SLC24A3: variants seen among roughly 807,000 people sequenced by gnomAD.
The protein encoded by SLC24A3 is solute carrier family 24 member 3, also known as sodium/potassium/calcium exchanger 3.
A neutral mutation model predicts 75.8 loss-of-function variants in SLC24A3; 28 were observed. That is an observed-to-expected ratio of 0.37 (90% confidence interval 0.27 to 0.51). SLC24A3 has a LOEUF of 0.51. Ranked by LOEUF, SLC24A3 falls within the 20% of genes least tolerant of loss-of-function variation. The probability of loss-of-function intolerance (pLI) is 0.94; values close to 1 mark genes in which losing one functional copy is unlikely to be tolerated. For synonymous variants in SLC24A3, 372 were observed against 334.1 expected (o/e 1.11, Z -1.24); for missense variants, 663 against 847.8 (o/e 0.78, Z 2.71).
At position 19,506,288 on chromosome 20, in the gene SLC24A3, T is replaced by C. The variant is rs540304766; in HGVS notation, c.272-9200T>C. 7.2e-5 allele frequency among the ~76,000 whole-genome samples: 11 copies of C among 152,376 alleles called. 1 individual carries two copies. In the South Asian group the frequency reaches 2.3e-3, roughly 32 times the overall value. The stretch of plus-strand genomic sequence containing the variant: ...AATACCATTTTGATTGATAGTTTAA[T>C]GATCCCTCTAGGCCATCTGTTCCCA... On this transcript the variant is annotated intron_variant, in intron 2 of 16. Coordinates refer to ENST00000328041, the MANE Select transcript of SLC24A3 (RefSeq NM_020689.4).
intron 1 of SLC24A3, among the ~76,000 whole-genome samples, chr20:19,232,454 A>G (rs1272570726): frequency 6.6e-6 from 1 of 152,202 alleles, no homozygotes; most frequent in Non-Finnish European, 1.5e-5. Context: ...TGAATTTTTT[A>G]ATAATTATCT....
intron 2 of SLC24A3, among the ~76,000 whole-genome samples, chr20:19,479,984 C>G (rs750013397): frequency 1.3e-5 from 2 of 152,184 alleles, no homozygotes; most frequent in Non-Finnish European, 2.9e-5. Context: ...GAGACTCAGT[C>G]CTTCCCTCTA....
intron 3 of SLC24A3, among the ~76,000 whole-genome samples, chr20:19,538,093 A>C (rs1258905351): frequency 6.6e-6 from 1 of 152,206 alleles, no homozygotes; most frequent in African/African-American, 2.4e-5. Flanking sequence ...TATCTGTCCA[A>C]GATACAGTAC....
chr20:19,282,429 C>G (rs1422213117), intron 2 of SLC24A3, among the ~76,000 whole-genome samples: 2 of 152,198 alleles, frequency 1.3e-5, no homozygotes, highest in African/African-American at 4.8e-5. Context: ...TGAAGCAGCA[C>G]ATGGGCAGCT....
chr20:19,417,921 G>T (rs1986854351), intron 2 of SLC24A3, among the ~76,000 whole-genome samples: 1 of 152,286 alleles, frequency 6.6e-6, no homozygotes, highest in Non-Finnish European at 1.5e-5. Flanking sequence ...GTAGGAAGTT[G>T]GAGGAGTGGA....
At chr20:19,446,654 G>A (rs1987391538) in intron 2 of SLC24A3, among the ~76,000 whole-genome samples, 2 of 152,184 alleles carry the variant, frequency 1.3e-5, no homozygotes, top group Admixed American at 1.3e-4. Context: ...TCTGCCTACA[G>A]GGAAAACACC....
intron 15 of SLC24A3, among the ~76,000 whole-genome samples, chr20:19,716,217 C>T (rs1308786969): frequency 1.3e-5 from 2 of 152,094 alleles, no homozygotes; most frequent in African/African-American, 2.4e-5. Flanking sequence ...TCTAAGGAAT[C>T]TCTTCTATTT....
intron 2 of SLC24A3, among the ~76,000 whole-genome samples, chr20:19,325,306 T>C (rs1984813162): frequency 6.6e-6 from 1 of 151,502 alleles, no homozygotes; most frequent in African/African-American, 2.4e-5. Context: ...ATTACCTGGG[T>C]ATGGTGGTGC....
intron 6 of SLC24A3, among the ~76,000 whole-genome samples, chr20:19,635,734 C>T (rs530896197): frequency 1.3e-5 from 2 of 152,302 alleles, no homozygotes; most frequent in East Asian, 1.9e-4. Flanking sequence ...TCACCTGGAG[C>T]ACCTTTGTAT....
intron 2 of SLC24A3, among the ~76,000 whole-genome samples, chr20:19,292,562 C>A (rs534705960): frequency 1.1e-3 from 170 of 152,136 alleles, no homozygotes; most frequent in Non-Finnish European, 2.1e-3. Flanking sequence ...TGTTGACTTG[C>A]CCTGGGTAAA....
intron 16 of SLC24A3, 23 bp downstream of exon 16, chr20:19,717,616 G>A (rs200040941): frequency 9.3e-6 from 15 of 1,613,680 alleles, no homozygotes; most frequent in Middle Eastern, 1.6e-4. Context: ...CTCTCTCCTC[G>A]TACTTGTGTT....
In SLC24A3 at chr20:19,690,565, G is replaced by T. The variant is rs982720330; in HGVS notation, c.1325-2694G>T. ...AACCGAGTTACTCTGTCCGTTTGAG[G>T]GCATCAGCCATATGGAAGGCCGTTG... On this transcript the variant is annotated intron_variant, in intron 12 of 16. Coordinates refer to ENST00000328041, the MANE Select transcript of SLC24A3 (RefSeq NM_020689.4). Among the ~76,000 whole-genome samples, 58 of 152,192 alleles carry T rather than the reference G, an allele frequency of 3.8e-4. 1 individual carries two copies. Among genetic ancestry groups the T allele is most frequent in the Admixed American group, 3.7e-3 (56 of 15,278 alleles).
intron 2 of SLC24A3, among the ~76,000 whole-genome samples, chr20:19,411,990 T>C (rs1295182781): frequency 6.6e-6 from 1 of 152,212 alleles, no homozygotes; most frequent in African/African-American, 2.4e-5. Context: ...TGTTCTTCAC[T>C]GTATTTTTAA....
chr20:19,537,257 C>G (rs1333279542), intron 3 of SLC24A3, among the ~76,000 whole-genome samples: 34 of 152,138 alleles, frequency 2.2e-4, no homozygotes, highest in Admixed American at 6.5e-4. Context: ...ATTTATGCAG[C>G]CAAAAAACAC....
chr20:19,412,413 A>T (rs1002927238), intron 2 of SLC24A3, among the ~76,000 whole-genome samples: 1 of 152,124 alleles, frequency 6.6e-6, no homozygotes, highest in Non-Finnish European at 1.5e-5. Context: ...AAGAAAAAGA[A>T]GGAGGTGGAG....
intron 16 of SLC24A3, among the ~76,000 whole-genome samples, chr20:19,720,708 G>A (rs1359701609): frequency 2.0e-5 from 3 of 152,140 alleles, no homozygotes; most frequent in African/African-American, 7.2e-5. Flanking sequence ...TTGGAGCTTC[G>A]TGAAAGAGGG....
chr20:19,330,380 C>G (rs1984972100), intron 2 of SLC24A3, among the ~76,000 whole-genome samples: 2 of 152,144 alleles, frequency 1.3e-5, no homozygotes, highest in Admixed American at 6.6e-5. Context: ...CTTATTTCCC[C>G]ATTAAAGGGG....
intron 2 of SLC24A3, among the ~76,000 whole-genome samples, chr20:19,282,826 C>T (rs1452447892): frequency 1.3e-5 from 2 of 152,182 alleles, no homozygotes; most frequent in African/African-American, 4.8e-5. Context: ...GTTGGTCTCT[C>T]TGTGAGTAGC....
At chr20:19,311,988 C>T (rs921731957) in intron 2 of SLC24A3, among the ~76,000 whole-genome samples, 4 of 152,106 alleles carry the variant, frequency 2.6e-5, no homozygotes, top group African/African-American at 7.2e-5. Flanking sequence ...TGAATCCATT[C>T]GCTGCTCTTG....
Sources: gnomAD v4.1 joint callset for allele counts (sites outside exome capture counted in the v4.1 genomes callset) on GRCh38, gnomAD v4.1.1 for gene constraint, MANE v1.5 for transcripts, NCBI Gene and HGNC (gene_info 2026-07-23, HGNC 2026-07-21) for gene names.